Variants in UTRN observed in about 807,000 individuals in gnomAD.
UTRN encodes dystrophin-related protein 1.
Under a neutral mutation model 463.9 loss-of-function variants are expected in UTRN, and 283 were observed. That is an observed-to-expected ratio of 0.61 (90% CI 0.55 to 0.67). The LOEUF (loss-of-function observed/expected upper bound fraction) is 0.67, where lower values mean the gene tolerates loss of function less well. Ranked by LOEUF, UTRN falls within the 30% of genes least tolerant of loss-of-function variation. UTRN has a pLI of 0.00. For missense variants in UTRN, 3,922 were observed against 4,084.3 expected, an observed-to-expected ratio of 0.96 and a Z score of 1.08; for synonymous variants, 1,442 against 1,431.5, an observed-to-expected ratio of 1.01 and a Z score of -0.17.
At chr6:144,324,054 G>A (rs1460751116) in intron 2 of UTRN, among the ~76,000 whole-genome samples, 1 of 152,150 alleles carries the variant, frequency 6.6e-6, no homozygotes, top group Non-Finnish European at 1.5e-5. Context: ...TCAGAACTTG[G>A]AGGCAGACCT....
chr6:144,557,061 T>C, intron 49 of UTRN, 96 bp from the exon 50 acceptor site: 2 of 1,464,888 alleles, frequency 1.4e-6, no homozygotes, highest in Non-Finnish European at 1.8e-6. Flanking sequence ...TATCTGTATC[T>C]AAAGCATGTC....
intron 48 of UTRN, 91 bp from the exon 49 acceptor site, chr6:144,554,597 T>C: frequency 1.4e-6 from 2 of 1,382,362 alleles, no homozygotes; most frequent in Non-Finnish European, 2.0e-6. Context: ...GTTTATAGAC[T>C]TATTTGTGAT....
intron 39 of UTRN, among the ~76,000 whole-genome samples, chr6:144,521,618 A>G (rs1796097892): frequency 6.6e-6 from 1 of 152,156 alleles, no homozygotes; most frequent in African/African-American, 2.4e-5. Context: ...ATGTATCAAA[A>G]TGTTTTATTT....
chr6:144,473,681 C>A, intron 23 of UTRN, 39 bp from the exon 24 acceptor site: 1 of 1,563,130 alleles, frequency 6.4e-7, no homozygotes, highest in Non-Finnish European at 8.8e-7. Context: ...GGCTGAACGT[C>A]ACGAAGTAAT....
At chr6:144,602,697 A>G (rs1210961589) in intron 51 of UTRN, among the ~76,000 whole-genome samples, 6 of 151,970 alleles carry the variant, frequency 3.9e-5, no homozygotes, top group African/African-American at 1.4e-4. Flanking sequence ...TTCCAAAACA[A>G]TCACAAACAA....
At chr6:144,433,559 G>C (rs568586298) in intron 9 of UTRN, among the ~76,000 whole-genome samples, 1 of 148,204 alleles carries the variant, frequency 6.7e-6, no homozygotes, top group East Asian at 2.1e-4. Context: ...GGCGGCTGCC[G>C]GGCGGAGGGG....
chr6:144,819,911 C>CCTCCTCCTCCTGTCT (rs11397588), intron 65 of UTRN, among the ~76,000 whole-genome samples: 12 of 118,632 alleles, frequency 1.0e-4, no homozygotes, highest in South Asian at 5.6e-4. Context: ...TCCTCCTCCT[C>CCTCCTCCTCCTGTCT]CTCTCTCTCT....
intron 52 of UTRN, among the ~76,000 whole-genome samples, chr6:144,696,666 A>AAT (rs371179849): frequency 5.9e-5 from 9 of 152,116 alleles, no homozygotes; most frequent in South Asian, 2.1e-4. Flanking sequence ...CATAAACCAA[A>AAT]ATATATATAT....
At chr6:144,728,978 T>G (rs1397242201) in intron 53 of UTRN, among the ~76,000 whole-genome samples, 2 of 152,204 alleles carry the variant, frequency 1.3e-5, no homozygotes, top group Non-Finnish European at 2.9e-5. Context: ...CTTTCCAGTA[T>G]GCTTACCATG....
At chr6:144,400,448 A>C (rs932336432) in intron 2 of UTRN, among the ~76,000 whole-genome samples, 1 of 152,150 alleles carries the variant, frequency 6.6e-6, no homozygotes, top group African/African-American at 2.4e-5. Context: ...TGCTATTTTT[A>C]CGTGCCCGAG....
intron 31 of UTRN, 47 bp from the exon 32 acceptor site, chr6:144,490,882 A>T: frequency 6.6e-7 from 1 of 1,516,466 alleles, no homozygotes; most frequent in East Asian, 2.3e-5. Flanking sequence ...ATGATGAGAG[A>T]GATAATCATC....
At chr6:144,579,264 C>T (rs1046359611) in intron 51 of UTRN, among the ~76,000 whole-genome samples, 1 of 152,122 alleles carries the variant, frequency 6.6e-6, no homozygotes, top group Non-Finnish European at 1.5e-5. Flanking sequence ...TAGCCATCAT[C>T]TGTATTTTAG....
chr6:144,632,825 G>A (rs957244567), intron 51 of UTRN, among the ~76,000 whole-genome samples: 3 of 150,680 alleles, frequency 2.0e-5, no homozygotes, highest in East Asian at 3.9e-4. Flanking sequence ...GGGTTCAAGC[G>A]ATTCTCCTGC....
chr6:144,695,039 A>G (rs1783844572), intron 52 of UTRN, among the ~76,000 whole-genome samples: 1 of 150,342 alleles, frequency 6.7e-6, no homozygotes, highest in Non-Finnish European at 1.5e-5. Context: ...AGTATTTAAT[A>G]TGCATTGGTT....
At chr6:144,827,311 GT>G (rs756597283) in intron 66 of UTRN, 36 bp from the exon 67 acceptor site, 1 of 1,612,166 alleles carries the variant, frequency 6.2e-7, no homozygotes, top group Non-Finnish European at 8.5e-7. Context: ...TAAAGTGTTT[GT>G]TCTGTGACTT....
intron 19 of UTRN, among the ~76,000 whole-genome samples, chr6:144,455,438 T>A (rs1023480993): frequency 6.6e-6 from 1 of 152,180 alleles, no homozygotes; most frequent in Non-Finnish European, 1.5e-5. Flanking sequence ...GATGTTGAAT[T>A]TATTTCCTTT....
At chr6:144,839,421 A>T in intron 72 of UTRN, 137 bp downstream of exon 72, 1 of 590,810 alleles carries the variant, frequency 1.7e-6, no homozygotes, top group Non-Finnish European at 2.9e-6. Context: ...GGTCTTAAAT[A>T]GGTGCAAATC....
At chr6:144,700,357 C>G (rs7755541) in intron 53 of UTRN, 114 bp downstream of exon 53, 152 of 1,205,068 alleles carry the variant, frequency 1.3e-4, no homozygotes, top group Admixed American at 4.0e-4. Flanking sequence ...GATTCCCCCC[C>G]CCACCACCGT....
chr6:144,539,777 C>T (rs1797832893), intron 45 of UTRN, among the ~76,000 whole-genome samples: 1 of 152,070 alleles, frequency 6.6e-6, no homozygotes, highest in Non-Finnish European at 1.5e-5. Context: ...TGTGTTGGCT[C>T]ATACCTGTAA....
Sources: gnomAD v4.1 joint callset for allele counts (sites outside exome capture counted in the v4.1 genomes callset) on GRCh38, gnomAD v4.1.1 for gene constraint, MANE v1.5 for transcripts, NCBI Gene and HGNC (gene_info 2026-07-23, HGNC 2026-07-21) for gene names.